The following KCNN4 variants were observed in gnomAD, a reference collection of about 807,000 sequenced individuals.
KCNN4 encodes the protein potassium calcium-activated channel subfamily N member 4.
Under a neutral mutation model 45.2 loss-of-function variants are expected in KCNN4, and 31 were observed. That is an observed-to-expected ratio of 0.69 (90% confidence interval 0.52 to 0.92). KCNN4 has a LOEUF of 0.92. KCNN4 is among the 40% of genes least tolerant of loss of function. The pLI is 0.00. For missense variants in KCNN4, 463 were observed against 574.0 expected, an observed-to-expected ratio of 0.81 and a Z score of 1.98; for synonymous variants, 231 against 254.6, an observed-to-expected ratio of 0.91 and a Z score of 0.88.
intron 3 of KCNN4, among the ~76,000 whole-genome samples, chr19:43,773,652 T>C (rs145768978): frequency 3.3e-5 from 5 of 152,270 alleles, no homozygotes; most frequent in Admixed American, 1.3e-4. Context: ...CTGAAAGGGA[T>C]AGAAATTGAG....
intron 8 of KCNN4, 101 bp from the exon 9 acceptor site, chr19:43,767,190 A>G: frequency 4.0e-6 from 1 of 248,862 alleles, no homozygotes; most frequent in Admixed American, 4.7e-5. Context: ...CAGAAGTGGG[A>G]GACAGGGGGC....
Position 43,774,163 on chromosome 19 carries a change from C to G in KCNN4, c.683+29G>C. 2 of 1,586,702 alleles carry G rather than the reference C, an allele frequency of 1.3e-6. No homozygotes were observed. Among genetic ancestry groups the G allele is most frequent in the Non-Finnish European group, 1.7e-6 (2 of 1,163,774 alleles). ...CGCCGTGGCTGTCCGGGGTTCCCCC[C>G]TGCGCATTTATGCCTCCATCACCCT... On this transcript the variant is annotated intron_variant, in intron 3 of 8. Transcript: ENST00000648319. This position sits in a 1 kb window ranked among gnomAD's most constrained non-coding sequence, Gnocchi z 5.6.
rs116834788 is a variant in KCNN4 at position 43,775,988 on chromosome 19, C to T, written c.255+553G>A. Among the ~76,000 whole-genome samples, 966 of 151,754 alleles carry T rather than the reference C, an allele frequency of 6.4e-3. 11 individuals are homozygous for T. Among genetic ancestry groups the T allele is most frequent in the Middle Eastern group, 0.048 (14 of 294 alleles). On this transcript the variant is annotated intron_variant, in intron 2 of 8. Coordinates refer to ENST00000648319, the MANE Select transcript of KCNN4 (RefSeq NM_002250.3). ...CTAAAATACAAAAAAATTAGCTGGG[C>T]GTGGTGGCATCTGCCTGTAGTCACA...
chr19:43,767,561 G>A lies in KCNN4; in HGVS notation c.1266C>T (p.Pro422=), dbSNP rs1431210014. ...TALGPRQLPE[P]SQQSK is the part of the protein sequence containing the mutation. ...TCACCAGCTACTTGGACTGCTGGCTGGGTTCTGGAAGCTGCCTCGGCCCCA... is the reference window on the plus strand; with the variant it reads ...TCACCAGCTACTTGGACTGCTGGCTAGGTTCTGGAAGCTGCCTCGGCCCCA... Residue 422 remains proline, a synonymous_variant, in exon 8 of 9, where the codon CCC becomes CCT. Coordinates refer to ENST00000648319, the MANE Select transcript of KCNN4 (RefSeq NM_002250.3). 6.2e-7 allele frequency: 1 copy of A among 1,613,834 alleles called. No individual in the cohort carries two copies. Among genetic ancestry groups the A allele is most frequent in the Non-Finnish European group, 8.5e-7 (1 of 1,179,954 alleles).
chr19:43,776,100 C>T (rs1378010321), intron 2 of KCNN4, among the ~76,000 whole-genome samples: 1 of 135,252 alleles, frequency 7.4e-6, no homozygotes, highest in Non-Finnish European at 1.5e-5. Context: ...TCCACTCTAG[C>T]CTGGGCAACA....
At chr19:43,773,397 C>T (rs1168828507) in intron 3 of KCNN4, among the ~76,000 whole-genome samples, 1 of 152,240 alleles carries the variant, frequency 6.6e-6, no homozygotes, top group African/African-American at 2.4e-5. Flanking sequence ...GCCAGATCTT[C>T]TCATTCTCCT....
Position 43,769,486 on chromosome 19 carries a change from A to G in KCNN4, c.1005T>C (p.His335=), listed in dbSNP as rs760363966. The G allele has an allele frequency of 2.5e-6, 4 of 1,614,122 alleles. No homozygotes were observed. In the African/African-American group the frequency reaches 4.0e-5, roughly 16 times the overall value. The part of the protein sequence containing the change: ...FYKHTRRKES[H]AARRHQRKLL... The stretch of plus-strand genomic sequence containing the variant: ...GCTTGCGCTGATGCCTGCGGGCAGC[A>G]TGAGACTCCTTCCTGCGAGTATGTT... Residue 335 remains histidine, a synonymous_variant, in exon 6 of 9, where the codon CAT becomes CAC. Transcript: ENST00000648319. The surrounding 1 kb of genome is among the most constrained non-coding windows in gnomAD (Gnocchi z 4.4).
chr19:43,780,866 C>A lies in KCNN4; in HGVS notation c.-5G>T, dbSNP rs199798807. 24 of 1,613,558 alleles carry A rather than the reference C, an allele frequency of 1.5e-5. No homozygotes were observed. The highest frequency in any genetic ancestry group is 2.0e-5 in the Non-Finnish European group (24 of 1,179,828). ...AAGCACCAGATCCCCGCCCATGGCC[C>A]CCGGGGTCTTGGGGCTCAGCCAGCT... On this transcript the variant is annotated 5_prime_UTR_variant, in exon 1 of 9. Coordinates refer to ENST00000648319, the MANE Select transcript of KCNN4 (RefSeq NM_002250.3).
chr19:43,777,456 T>C (rs1344749104), intron 1 of KCNN4, among the ~76,000 whole-genome samples: 1 of 151,954 alleles, frequency 6.6e-6, no homozygotes, highest in Non-Finnish European at 1.5e-5. Context: ...TCTGGAAGAA[T>C]GTAGAAACTA....
At position 43,774,103 on chromosome 19, in the gene KCNN4, AG is replaced by A. The variant is rs1969718841; in HGVS notation, c.683+88del. ...TGAACTTTCTCCACTGCTTGGTCCTAGGGGGCCTCAACCTGCACCGCGGCAC... is the reference window on the plus strand; with the variant it reads ...TGAACTTTCTCCACTGCTTGGTCCTAGGGGCCTCAACCTGCACCGCGGCAC... On this transcript the variant is annotated intron_variant, in intron 3 of 8. Coordinates refer to ENST00000648319, the MANE Select transcript of KCNN4 (RefSeq NM_002250.3). The surrounding 1 kb of genome is among the most constrained non-coding windows in gnomAD (Gnocchi z 5.6). 7.4e-7 allele frequency: 1 copy of A among 1,345,452 alleles called. No homozygotes were observed. The allele number at this position is 1,345,452 out of a possible 1,614,324, so 83.3% of individuals were successfully genotyped here.
chr19:43,769,179 G>T lies in KCNN4; in HGVS notation c.1050-147C>A. 1 of 871,142 alleles carries T rather than the reference G, an allele frequency of 1.1e-6. No homozygotes were observed. Among genetic ancestry groups the T allele is most frequent in the Non-Finnish European group, 1.9e-6 (1 of 540,190 alleles). 54.0% of individuals were successfully genotyped at this position (871,142 alleles called of 1,614,324 possible). A position where few individuals can be genotyped will look rare whatever the true frequency, so the allele number is the denominator to read the frequency against. ...AAGAGCTGAAAGAGTGGGAGGGGATGCACCCTGCCTCCCCACGAGCCCCCA... is the reference window on the plus strand; with the variant it reads ...AAGAGCTGAAAGAGTGGGAGGGGATTCACCCTGCCTCCCCACGAGCCCCCA... On this transcript the variant is annotated intron_variant, in intron 6 of 8. Transcript: ENST00000648319. This position sits in a 1 kb window ranked among gnomAD's most constrained non-coding sequence, Gnocchi z 4.4.
At chr19:43,771,125 T>G (rs1008523261) in intron 4 of KCNN4, among the ~76,000 whole-genome samples, 18 of 152,024 alleles carry the variant, frequency 1.2e-4, no homozygotes, top group African/African-American at 4.3e-4. Context: ...TGCTAGTCTC[T>G]AGAGGGGGCC....
At chr19:43,770,725 G>T (rs1969620343) in intron 4 of KCNN4, among the ~76,000 whole-genome samples, 1 of 152,212 alleles carries the variant, frequency 6.6e-6, no homozygotes, top group South Asian at 2.1e-4. Flanking sequence ...TGGCAAGTGT[G>T]TAGGGCAGAG....
intron 7 of KCNN4, among the ~76,000 whole-genome samples, 169 bp downstream of exon 7, chr19:43,768,794 T>C (rs1254925281): frequency 6.6e-6 from 1 of 152,124 alleles, no homozygotes; most frequent in Non-Finnish European, 1.5e-5. Context: ...TGTAAGAAGC[T>C]CTGTGTTGCA....
chr19:43,776,819 C>T (rs1166562479), intron 1 of KCNN4, 183 bp from the exon 2 acceptor site: 2 of 595,844 alleles, frequency 3.4e-6, no homozygotes, highest in Non-Finnish European at 6.1e-6. Context: ...TCATCTGGGC[C>T]CAGTGCGGTG....
At chr19:43,777,886 C>G (rs1969858814) in intron 1 of KCNN4, among the ~76,000 whole-genome samples, 1 of 152,168 alleles carries the variant, frequency 6.6e-6, no homozygotes, top group Non-Finnish European at 1.5e-5. Flanking sequence ...CTGGCTGGGC[C>G]AGCATCCCGC....
intron 2 of KCNN4, among the ~76,000 whole-genome samples, chr19:43,775,167 A>C (rs1392286805): frequency 6.6e-6 from 1 of 152,192 alleles, no homozygotes; most frequent in African/African-American, 2.4e-5. Flanking sequence ...CTCTACTGAA[A>C]AATACAAAAA....
rs141571998 is a variant in KCNN4, at chr19:43,767,633, C to T, written c.1194G>A (p.Thr398=). 2.6e-5 allele frequency: 42 copies of T among 1,614,038 alleles called. No homozygotes were observed. The highest frequency in any genetic ancestry group is 6.7e-5 in the African/African-American group (5 of 74,918). ...SHRALEKQID[T]LAGKLDALTE... ...TCAGGGCATCCAGCTTCCCCGCCAG[C>T]GTGTCAATCTGTTTCTCCAGGGCCC... is the stretch of plus-strand genomic sequence containing the variant. Residue 398 remains threonine (T), a synonymous_variant, in exon 8 of 9, where the codon ACG becomes ACA. Coordinates refer to ENST00000648319, the MANE Select transcript of KCNN4 (RefSeq NM_002250.3).
chr19:43,767,803 T>G, intron 7 of KCNN4, 96 bp from the exon 8 acceptor site: 1 of 1,429,994 alleles, frequency 7.0e-7, no homozygotes, highest in South Asian at 1.2e-5. Flanking sequence ...ACCACATCCT[T>G]ATGGTCCTCT....
Sources: allele counts gnomAD v4.1 joint callset (sites outside exome capture counted in the v4.1 genomes callset), GRCh38; gene constraint gnomAD v4.1.1; non-coding constraint Gnocchi (gnomAD v3.1); transcripts MANE v1.5; gene names NCBI Gene and HGNC (gene_info 2026-07-23, HGNC 2026-07-21).